Variants in STRN3 observed in about 807,000 individuals in gnomAD.
STRN3 encodes the protein striatin 3.
A neutral mutation model predicts 95.6 loss-of-function variants in STRN3; 29 were observed. The ratio of observed to expected loss-of-function variants is 0.30; its 90% CI spans 0.23 to 0.41. STRN3 has a LOEUF of 0.41. Ranked by LOEUF, STRN3 falls within the 10% of genes least tolerant of loss-of-function variation. The pLI, the probability that STRN3 is intolerant of heterozygous loss-of-function variation, is 1.00. For synonymous variants in STRN3, 331 were observed against 357.6 expected, an observed-to-expected ratio of 0.93 and a Z score of 0.84; for missense variants, 890 against 972.1, an observed-to-expected ratio of 0.92 and a Z score of 1.12.
intron 5 of STRN3, among the ~76,000 whole-genome samples, chr14:30,942,882 A>G (rs911669484): frequency 6.6e-6 from 1 of 152,220 alleles, no homozygotes; most frequent in Non-Finnish European, 1.5e-5. Context: ...GCTTTACATT[A>G]ATTCATTCCT....
chr14:30,996,353 G>A (rs1566482381), intron 1 of STRN3, among the ~76,000 whole-genome samples: 1 of 152,178 alleles, frequency 6.6e-6, no homozygotes, highest in Non-Finnish European at 1.5e-5. Flanking sequence ...TTCCACTGGT[G>A]GTAAATTGGG....
intron 1 of STRN3, among the ~76,000 whole-genome samples, chr14:30,992,725 G>A (rs77724409): frequency 1.6e-4 from 25 of 152,042 alleles, no homozygotes; most frequent in African/African-American, 6.0e-4. Context: ...TAAAGAGTGA[G>A]TAAACTGGCC....
chr14:31,013,371 C>T (rs1220684995), intron 1 of STRN3, among the ~76,000 whole-genome samples: 1 of 150,696 alleles, frequency 6.6e-6, no homozygotes, highest in Non-Finnish European at 1.5e-5. Flanking sequence ...AGACCCCCAT[C>T]TCAAAAAAAA....
intron 4 of STRN3, among the ~76,000 whole-genome samples, chr14:30,947,732 A>G (rs1267747692): frequency 6.6e-6 from 1 of 152,170 alleles, no homozygotes; most frequent in Non-Finnish European, 1.5e-5. Context: ...GAGATTGATG[A>G]ACACACTAAT....
chr14:30,897,174 C>T (rs1896178754), intron 16 of STRN3, among the ~76,000 whole-genome samples: 1 of 152,158 alleles, frequency 6.6e-6, no homozygotes, highest in African/African-American at 2.4e-5. Flanking sequence ...ATACTCTACA[C>T]TAGGATATGA....
At chr14:30,905,384 T>A in intron 15 of STRN3, 34 bp downstream of exon 15, 2 of 1,565,318 alleles carry the variant, frequency 1.3e-6, no homozygotes, top group Non-Finnish European at 1.7e-6. Context: ...AATAACCCTT[T>A]TTAAGGTTTC....
intron 1 of STRN3, among the ~76,000 whole-genome samples, chr14:31,017,169 A>G (rs924962719): frequency 8.6e-5 from 13 of 151,814 alleles, no homozygotes; most frequent in African/African-American, 3.1e-4. Context: ...AAAAGTTTTA[A>G]AAAGTGTAAC....
At chr14:30,984,316 G>A (rs1286546895) in intron 1 of STRN3, among the ~76,000 whole-genome samples, 2 of 142,516 alleles carry the variant, frequency 1.4e-5, no homozygotes, top group Admixed American at 7.1e-5. Context: ...AAACTACGCT[G>A]TTGCATGAAC....
chr14:31,002,832 T>C (rs1402472101), intron 1 of STRN3, among the ~76,000 whole-genome samples: 2 of 151,972 alleles, frequency 1.3e-5, no homozygotes, highest in Non-Finnish European at 2.9e-5. Flanking sequence ...TTCCAGGAGC[T>C]AGGAGGTGGA....
chr14:30,905,316 T>TC (rs1385195361), intron 15 of STRN3, 102 bp downstream of exon 15: 7 of 1,143,796 alleles, frequency 6.1e-6, no homozygotes, highest in Non-Finnish European at 8.2e-6. Flanking sequence ...TATTTTGCCA[T>TC]CCTAAATTCA....
chr14:30,903,109 C>T lies in STRN3; in HGVS notation c.2030-466G>A, dbSNP rs186442952. The stretch of plus-strand genomic sequence containing the variant: ...TTAAAGATGAGATTTTTTTCTTTAC[C>T]AGTAAGCTCTTACTAACTTTTTATT... On this transcript the variant is annotated intron_variant, in intron 15 of 17. Coordinates refer to ENST00000357479, the MANE Select transcript of STRN3 (RefSeq NM_001083893.2). Among the ~76,000 whole-genome samples the T allele has an allele frequency of 4.9e-5, 7 of 143,772 alleles. No homozygotes were observed. The East Asian group carries it at 1.4e-3, about 28-fold the overall frequency. 94.3% of individuals were successfully genotyped at this position (143,772 alleles called of 152,430 possible). A position where few individuals can be genotyped will look rare whatever the true frequency, so the allele number is the denominator to read the frequency against.
chr14:31,008,203 AAAAGAAAAG>A (rs2139311699), intron 1 of STRN3, among the ~76,000 whole-genome samples: 1 of 151,460 alleles, frequency 6.6e-6, no homozygotes, highest in African/African-American at 2.4e-5. Flanking sequence ...AAAAAAAAGA[AAAAGAAAAG>A]AAAACAGAAA....
intron 11 of STRN3, 77 bp downstream of exon 11, chr14:30,911,930 T>C (rs1481017227): frequency 3.2e-6 from 5 of 1,565,298 alleles, no homozygotes; most frequent in African/African-American, 2.7e-5. Flanking sequence ...ATTAAAGACA[T>C]GCAACAATAA....
intron 5 of STRN3, among the ~76,000 whole-genome samples, chr14:30,943,803 G>A (rs1195902705): frequency 6.6e-6 from 1 of 152,072 alleles, no homozygotes; most frequent in African/African-American, 2.4e-5. Context: ...TATTGCATGA[G>A]TCCAATCATG....
chr14:30,905,906 C>T (rs1896449207), intron 14 of STRN3, among the ~76,000 whole-genome samples: 1 of 152,170 alleles, frequency 6.6e-6, no homozygotes. Context: ...ATACTTCTTA[C>T]TGTAAAATGA....
At chr14:31,015,504 C>G (rs948888041) in intron 1 of STRN3, among the ~76,000 whole-genome samples, 1 of 151,938 alleles carries the variant, frequency 6.6e-6, no homozygotes, top group African/African-American at 2.4e-5. Flanking sequence ...TCCTGAGTAG[C>G]TGAACTACAG....
chr14:30,895,204 T>G lies in STRN3; in HGVS notation c.*207A>C. 1.7e-6 allele frequency: 1 copy of G among 578,612 alleles called. No individual in the cohort carries two copies. The allele number at this position is 578,612 out of a possible 1,614,324, so 35.8% of individuals were successfully genotyped here. ...TACAGGCCACAAATACTGGAGTCCT[T>G]TTTTCTTTGTCCCACAAAATACAGT... On this transcript the variant is annotated 3_prime_UTR_variant, in exon 18 of 18. Coordinates refer to ENST00000357479, the MANE Select transcript of STRN3 (RefSeq NM_001083893.2).
At chr14:30,958,926 A>G (rs771009848) in intron 1 of STRN3, among the ~76,000 whole-genome samples, 1 of 152,232 alleles carries the variant, frequency 6.6e-6, no homozygotes, top group Non-Finnish European at 1.5e-5. Context: ...CACACACCAA[A>G]AAGCAAAAAT....
intron 1 of STRN3, among the ~76,000 whole-genome samples, chr14:30,999,712 T>C (rs1434596229): frequency 1.3e-5 from 2 of 151,994 alleles, no homozygotes; most frequent in Admixed American, 1.3e-4. Flanking sequence ...ATATGCATGA[T>C]GAGAATCAAG....
Sources: gnomAD v4.1 joint callset for allele counts (sites outside exome capture counted in the v4.1 genomes callset) on GRCh38, gnomAD v4.1.1 for gene constraint, MANE v1.5 for transcripts, NCBI Gene and HGNC (gene_info 2026-07-23, HGNC 2026-07-21) for gene names.